The following B4GALT1 variants were observed in gnomAD, a reference collection of about 807,000 sequenced individuals.
The protein encoded by B4GALT1 is N-acetyllactosamine synthase.
In B4GALT1, 16 loss-of-function variants were observed where a neutral mutation model predicts 34.9. The ratio of observed to expected loss-of-function variants is 0.46; its 90% CI spans 0.31 to 0.70. The LOEUF (loss-of-function observed/expected upper bound fraction) is 0.70. B4GALT1 is among the 30% of genes least tolerant of loss of function. The pLI, the probability that B4GALT1 is intolerant of heterozygous loss-of-function variation, is 0.05. For synonymous variants in B4GALT1, 221 were observed against 218.1 expected (o/e 1.01, Z -0.12); for missense variants, 445 against 530.5 (o/e 0.84, Z 1.58).
chr9:33,179,291 C>T, the B4GALT1 span: 3 of 152,206 alleles, frequency 2.0e-5, no homozygotes, highest in African/African-American at 7.2e-5. Context: ...GAACAGCTCA[C>T]AATTTGTAAT....
At chr9:33,163,113 T>C (rs1840697433) in intron 1 of B4GALT1, among the ~76,000 whole-genome samples, 1 of 152,180 alleles carries the variant, frequency 6.6e-6, no homozygotes, top group African/African-American at 2.4e-5. Context: ...AGAGAGTCCT[T>C]TCCCAAGCCT....
intron 2 of B4GALT1, among the ~76,000 whole-genome samples, chr9:33,104,961 A>T (rs1030527374): frequency 6.6e-6 from 1 of 151,958 alleles, no homozygotes; most frequent in African/African-American, 2.4e-5. Flanking sequence ...CTGGGATTAC[A>T]GGCATGTGCC....
At chr9:33,139,009 G>A (rs1046994773) in intron 1 of B4GALT1, among the ~76,000 whole-genome samples, 2 of 151,998 alleles carry the variant, frequency 1.3e-5, no homozygotes, top group East Asian at 1.9e-4. Flanking sequence ...CTCCCATGCC[G>A]GGGCTGTCCA....
intron 1 of B4GALT1, among the ~76,000 whole-genome samples, chr9:33,141,754 G>A (rs2770807): frequency 0.57 from 86,489 of 151,994 alleles, 26,121 homozygotes; most frequent in African/African-American, 0.78. Flanking sequence ...TGCCATGCAC[G>A]TGGGAGTACG....
chr9:33,116,240 A>T (rs1839936041), intron 3 of B4GALT1, 127 bp from the exon 4 acceptor site: 1 of 991,804 alleles, frequency 1.0e-6, no homozygotes, highest in South Asian at 1.4e-5. Context: ...GTTTTTATTT[A>T]TTTTTTTTTT....
At chr9:33,161,066 C>G (rs1026459936) in intron 1 of B4GALT1, among the ~76,000 whole-genome samples, 1 of 151,922 alleles carries the variant, frequency 6.6e-6, no homozygotes, top group African/African-American at 2.4e-5. Context: ...TTGTGAGGGG[C>G]TCTGGAGAAG....
chr9:33,116,326 G>A (rs1839937952), intron 3 of B4GALT1, among the ~76,000 whole-genome samples: 1 of 152,084 alleles, frequency 6.6e-6, no homozygotes, highest in Non-Finnish European at 1.5e-5. Context: ...CCGCCTCCCG[G>A]GTTCAAGCGA....
rs1383172304 is a variant in B4GALT1 at position 33,130,069 on chromosome 9, A to G, written c.648+5120T>C. On this transcript the variant is annotated intron_variant, in intron 2 of 5. Coordinates refer to ENST00000379731, the MANE Select transcript of B4GALT1 (RefSeq NM_001497.4). Reference sequence around the variant, plus strand: ...GCTGAGGGAGAGGAACAGAGGTGCCAGAAGATATGCAATCGGAATTGGAGA... The same window carrying G: ...GCTGAGGGAGAGGAACAGAGGTGCCGGAAGATATGCAATCGGAATTGGAGA... Among the ~76,000 whole-genome samples, 7 of 152,244 alleles carry G rather than the reference A, an allele frequency of 4.6e-5. No individual in the cohort carries two copies. In the East Asian group the frequency reaches 1.3e-3, roughly 29 times the overall value.
chr9:33,126,607 T>TATTGTTAACCATAGTTAACC (rs1214003736), intron 2 of B4GALT1, among the ~76,000 whole-genome samples: 1 of 152,200 alleles, frequency 6.6e-6, no homozygotes, highest in African/African-American at 2.4e-5. Context: ...CATTGTTAAC[T>TATTGTTAACCATAGTTAACC]ATTGTTAACC....
intron 1 of B4GALT1, among the ~76,000 whole-genome samples, chr9:33,154,832 A>T (rs1840573421): frequency 6.6e-6 from 1 of 152,102 alleles, no homozygotes. Flanking sequence ...CTCTTAAAAT[A>T]TTGAGTTTTT....
intron 1 of B4GALT1, among the ~76,000 whole-genome samples, chr9:33,154,885 G>A (rs902353906): frequency 5.3e-5 from 8 of 151,878 alleles, no homozygotes; most frequent in East Asian, 1.9e-4. Context: ...TTTTATATGC[G>A]GTCCAAGACA....
At chr9:33,159,388 C>T (rs1192551777) in intron 1 of B4GALT1, among the ~76,000 whole-genome samples, 1 of 152,236 alleles carries the variant, frequency 6.6e-6, no homozygotes, top group Non-Finnish European at 1.5e-5. Context: ...CGTCACACTG[C>T]TGACATAATC....
intron 3 of B4GALT1, 63 bp from the exon 4 acceptor site, chr9:33,116,176 A>C (rs1231665185): frequency 6.3e-7 from 1 of 1,582,328 alleles, no homozygotes; most frequent in African/African-American, 1.4e-5. Context: ...TCCCCAAAAT[A>C]AAGCTTGCTG....
At chr9:33,113,734 T>G in intron 5 of B4GALT1, 40 bp downstream of exon 5, 3 of 1,612,292 alleles carry the variant, frequency 1.9e-6, no homozygotes, top group Non-Finnish European at 1.7e-6. Context: ...GCCTACCTCA[T>G]CCTAAAGGGG....
intron 2 of B4GALT1, among the ~76,000 whole-genome samples, chr9:33,132,948 G>A (rs918222165): frequency 5.3e-5 from 8 of 152,000 alleles, no homozygotes; most frequent in African/African-American, 1.9e-4. Flanking sequence ...TGTTGCCCAG[G>A]CTGGAGTGCA....
At chr9:33,144,673 C>T (rs1840400297) in intron 1 of B4GALT1, among the ~76,000 whole-genome samples, 1 of 152,252 alleles carries the variant, frequency 6.6e-6, no homozygotes, top group African/African-American at 2.4e-5. Context: ...ATCCCCTCTT[C>T]AGAGCTTTCC....
At position 33,111,267 on chromosome 9, in the gene B4GALT1, A is replaced by C. The variant is rs1299300025; in HGVS notation, c.*2187T>G. The C allele has an allele frequency of 2.7e-5, 4 of 150,828 alleles. No homozygotes were observed. Among genetic ancestry groups the C allele is most frequent in the East Asian group, 2.0e-4 (1 of 5,068 alleles). 9.3% of individuals were successfully genotyped at this position (150,828 alleles called of 1,614,324 possible). A position where few individuals can be genotyped will look rare whatever the true frequency, so the allele number is the denominator to read the frequency against. ...AAGGTAACCAAAAAAAAAAAAAAAA[A>C]AAAAAAAAAAACAACAAGAAAAGGT... On this transcript the variant is annotated 3_prime_UTR_variant, in exon 6 of 6. Coordinates refer to ENST00000379731, the MANE Select transcript of B4GALT1 (RefSeq NM_001497.4).
At position 33,135,890 on chromosome 9, in the gene B4GALT1, A is replaced by AGAGTGTGTGT. The variant is rs1554686806; in HGVS notation, c.413-467_413-466insACACACACTC. Among the ~76,000 whole-genome samples the AGAGTGTGTGT allele has an allele frequency of 2.2e-3, 231 of 104,146 alleles. 4 individuals are homozygous for AGAGTGTGTGT. Among genetic ancestry groups the AGAGTGTGTGT allele is most frequent in the African/African-American group, 4.7e-3 (143 of 30,142 alleles). 68.3% of individuals were successfully genotyped at this position (104,146 alleles called of 152,430 possible). ...TCTCTGATTCTAGCCTAACTGGGGA[A>AGAGTGTGTGT]GTGTGTGTGTGTGTGTGTGTATGTG... On this transcript the variant is annotated intron_variant, in intron 1 of 5. Coordinates refer to ENST00000379731, the MANE Select transcript of B4GALT1 (RefSeq NM_001497.4).
intron 1 of B4GALT1, among the ~76,000 whole-genome samples, chr9:33,145,197 C>T (rs899096479): frequency 1.3e-5 from 2 of 152,064 alleles, no homozygotes; most frequent in Admixed American, 6.6e-5. Context: ...CCACCACCCC[C>T]CAACCCCTCC....
Sources: allele counts gnomAD v4.1 joint callset (sites outside exome capture counted in the v4.1 genomes callset), GRCh38; gene constraint gnomAD v4.1.1; transcripts MANE v1.5; gene names NCBI Gene and HGNC (gene_info 2026-07-23, HGNC 2026-07-21).